RET: variants seen among roughly 807,000 people sequenced by gnomAD.
RET encodes ret proto-oncogene.
RET carries 19 observed loss-of-function variants against 118.3 expected under a neutral mutation model. The ratio of observed to expected loss-of-function variants is 0.16; its 90% CI spans 0.11 to 0.24. The LOEUF is 0.24. RET is among the 10% of genes least tolerant of loss of function. The pLI is 1.00. For synonymous variants in RET, 597 were observed against 644.1 expected (o/e 0.93, Z 1.11); for missense variants, 1,219 against 1,502.1 (o/e 0.81, Z 3.12).
chr10:43,104,082 C>T (rs780891203), intron 3 of RET, among the ~76,000 whole-genome samples: 1 of 152,196 alleles, frequency 6.6e-6, no homozygotes, highest in Non-Finnish European at 1.5e-5. Flanking sequence ...GCTTTTGTCT[C>T]GACATCCGGC....
chr10:43,090,842 A>G (rs1837396123), intron 1 of RET, among the ~76,000 whole-genome samples: 1 of 149,414 alleles, frequency 6.7e-6, no homozygotes, highest in South Asian at 2.5e-4. Context: ...CTAGCGGCCC[A>G]GCCCTTGTGA....
At chr10:43,095,879 T>G (rs1279216852) in intron 1 of RET, among the ~76,000 whole-genome samples, 2 of 152,216 alleles carry the variant, frequency 1.3e-5, no homozygotes, top group Non-Finnish European at 2.9e-5. Flanking sequence ...TCCTGCATGG[T>G]GCCTGGGCAC....
chr10:43,104,284 A>G (rs1165121119), intron 3 of RET, among the ~76,000 whole-genome samples: 2 of 79,218 alleles, frequency 2.5e-5, no homozygotes, highest in African/African-American at 7.4e-5. Flanking sequence ...TCCATAATTG[A>G]AAAAAAAAAA....
intron 1 of RET, among the ~76,000 whole-genome samples, chr10:43,093,405 TGATGA>T (rs981703599): frequency 8.6e-5 from 13 of 150,992 alleles, no homozygotes; most frequent in African/African-American, 2.9e-4. Context: ...GGCCATACCG[TGATGA>T]GATGGGGAAG....
chr10:43,108,885 G>A (rs2132741038), intron 5 of RET, 146 bp from the exon 6 acceptor site: 1 of 792,288 alleles, frequency 1.3e-6, no homozygotes, highest in Non-Finnish European at 2.2e-6. Flanking sequence ...CTTAGGACCA[G>A]CCCCAGGCCT....
chr10:43,091,781 A>G, intron 1 of RET, among the ~76,000 whole-genome samples: 1 of 148,724 alleles, frequency 6.7e-6, no homozygotes. Context: ...AATCAAAATC[A>G]CCATGTGATA....
In RET at chr10:43,128,767, G is replaced by C. The variant is rs771336993; in HGVS notation, c.*498G>C. 1.3e-4 allele frequency: 37 copies of C among 287,682 alleles called. No individual in the cohort carries two copies. The highest frequency in any genetic ancestry group is 1.1e-3 in the East Asian group (22 of 19,396). 17.8% of individuals were successfully genotyped at this position (287,682 alleles called of 1,614,324 possible). Reference sequence around the variant, plus strand: ...ATTCAGAATGAGAGACTGCGGGGGGGGCCTGGGGGTAGTGTCAATGCCCCT... The same window carrying C: ...ATTCAGAATGAGAGACTGCGGGGGGCGCCTGGGGGTAGTGTCAATGCCCCT... On this transcript the variant is annotated 3_prime_UTR_variant, in exon 20 of 20. Coordinates refer to ENST00000355710, the MANE Select transcript of RET (RefSeq NM_020975.6).
At chr10:43,119,477 G>A in intron 13 of RET, 54 bp from the exon 14 acceptor site, 1 of 1,509,718 alleles carries the variant, frequency 6.6e-7, no homozygotes, top group Admixed American at 1.9e-5. Flanking sequence ...CTGGCTCCTG[G>A]AAGACCCAAG....
intron 1 of RET, among the ~76,000 whole-genome samples, chr10:43,089,562 C>G (rs765650673): frequency 3.3e-5 from 5 of 152,226 alleles, no homozygotes; most frequent in Admixed American, 2.0e-4. Context: ...CATGTCCGTT[C>G]TTTCTGTAGG....
chr10:43,086,316 T>C (rs1837287856), intron 1 of RET, among the ~76,000 whole-genome samples: 1 of 152,230 alleles, frequency 6.6e-6, no homozygotes. Context: ...CGTGGATTCC[T>C]ACTGGTTAAT....
At chr10:43,088,163 T>C (rs1837331203) in intron 1 of RET, among the ~76,000 whole-genome samples, 1 of 151,318 alleles carries the variant, frequency 6.6e-6, no homozygotes, top group South Asian at 2.1e-4. Flanking sequence ...GTGATGGTGC[T>C]GGTGGAGGCA....
At chr10:43,083,282 G>A (rs1207332395) in intron 1 of RET, among the ~76,000 whole-genome samples, 1 of 152,176 alleles carries the variant, frequency 6.6e-6, no homozygotes, top group African/African-American at 2.4e-5. Flanking sequence ...TCGTGACCCG[G>A]GAAAGCCTCA....
rs111306965 is a variant in RET at position 43,119,957 on chromosome 10, G to A, written c.2608-124G>A. Reference sequence around the variant, plus strand: ...CACGCCCCTGCCATGCCACACCCCCGGCCCAGGTCTCACCAGGCCGCTACC... The same window carrying A: ...CACGCCCCTGCCATGCCACACCCCCAGCCCAGGTCTCACCAGGCCGCTACC... On this transcript the variant is annotated intron_variant, in intron 14 of 19. Transcript: ENST00000355710. 7,626 of 1,462,062 alleles carry A rather than the reference G, an allele frequency of 5.2e-3. 322 individuals are homozygous for A. In the African/African-American group the frequency reaches 0.093, roughly 18 times the overall value. The allele number at this position is 1,462,062 out of a possible 1,614,324, so 90.6% of individuals were successfully genotyped here. A position where few individuals can be genotyped will look rare whatever the true frequency, so the allele number is the denominator to read the frequency against.
chr10:43,093,547 C>T (rs1470180766), intron 1 of RET, among the ~76,000 whole-genome samples: 1 of 152,194 alleles, frequency 6.6e-6, no homozygotes, highest in Non-Finnish European at 1.5e-5. Flanking sequence ...ATTAACAGCC[C>T]AGGGCCTGGA....
At position 43,095,736 on chromosome 10, in the gene RET, G is replaced by A. The variant is rs111514213; in HGVS notation, c.74-4723G>A. On this transcript the variant is annotated intron_variant, in intron 1 of 19. Transcript: ENST00000355710. ...TTTCTGTCTCCTGCATGCCCTGTGC[G>A]TGCATACATATACACACACTCATGA... 6.1e-4 allele frequency among the ~76,000 whole-genome samples: 93 copies of A among 152,272 alleles called. 2 individuals carry two copies. The highest frequency in any genetic ancestry group is 3.4e-3 in the Middle Eastern group (1 of 294).
chr10:43,091,879 C>G (rs11239879), intron 1 of RET, among the ~76,000 whole-genome samples: 4,321 of 150,740 alleles, frequency 0.029, 218 homozygotes, highest in African/African-American at 0.1. Context: ...GAAACTGAAC[C>G]CTTGCGCACT....
rs1588865918 is a variant in RET, at chr10:43,104,977, C to T, written c.651C>T (p.Ala217=). The T allele has an allele frequency of 6.3e-7, 1 of 1,576,598 alleles. No homozygotes were observed. The highest frequency in any genetic ancestry group is 2.3e-5 in the East Asian group (1 of 43,650). Residue 217 remains alanine (A), a synonymous_variant, in exon 4 of 20, where the codon GCC becomes GCT. Transcript: ENST00000355710. ...LEGEGLPFRC[A]PDSLEVSTRW... ...GTGAGGGTCTGCCCTTCCGCTGCGC[C>T]CCGGACAGCCTGGAGGTGAGCACGC...
chr10:43,081,100 G>GC (rs1433395266), intron 1 of RET, among the ~76,000 whole-genome samples: 1 of 152,046 alleles, frequency 6.6e-6, no homozygotes, highest in Non-Finnish European at 1.5e-5. Flanking sequence ...GCAGGGTGCA[G>GC]CCCCCCATGC....
intron 1 of RET, among the ~76,000 whole-genome samples, chr10:43,084,151 C>CT (rs1837242887): frequency 6.6e-6 from 1 of 152,212 alleles, no homozygotes; most frequent in Non-Finnish European, 1.5e-5. Context: ...TGCTTTCCAC[C>CT]TTTTGGCAGT....
Sources: gnomAD v4.1 joint callset for allele counts (sites outside exome capture counted in the v4.1 genomes callset) on GRCh38, gnomAD v4.1.1 for gene constraint, MANE v1.5 for transcripts, NCBI Gene and HGNC (gene_info 2026-07-23, HGNC 2026-07-21) for gene names.